Variants in ZNF420 observed in about 807,000 individuals in gnomAD.
The protein encoded by ZNF420 is zinc finger protein 420.
In ZNF420, 31 loss-of-function variants were observed where a neutral mutation model predicts 44.7. The ratio of observed to expected loss-of-function variants is 0.69; its 90% CI spans 0.52 to 0.94. ZNF420 has a LOEUF of 0.94. Among genes scored for constraint, ZNF420 ranks in the 40% least tolerant of loss-of-function variants. The pLI is 0.00. For missense variants in ZNF420, 681 were observed against 827.9 expected (o/e 0.82, Z 2.18); for synonymous variants, 245 against 267.4 (o/e 0.92, Z 0.82).
At chr19:37,116,344 G>A (rs1344999314) in intron 4 of ZNF420, among the ~76,000 whole-genome samples, 1 of 145,056 alleles carries the variant, frequency 6.9e-6, no homozygotes, top group African/African-American at 2.6e-5. Context: ...ACTTCAGCCT[G>A]GGCAACAGAG....
At chr19:37,048,421 CTG>C (rs1039936838) in intron 1 of ZNF420, among the ~76,000 whole-genome samples, 39 of 152,146 alleles carry the variant, frequency 2.6e-4, no homozygotes, top group Non-Finnish European at 5.4e-4. Flanking sequence ...TGATTTATAA[CTG>C]TTCTAATACT....
intron 2 of ZNF420, among the ~76,000 whole-genome samples, chr19:37,086,359 A>G (rs1056066236): frequency 1.3e-5 from 2 of 152,298 alleles, no homozygotes; most frequent in Non-Finnish European, 2.9e-5. Flanking sequence ...CTCTTAAATT[A>G]AGTGACTACT....
At chr19:37,027,467 T>C (rs985525030) in intron 1 of ZNF420, among the ~76,000 whole-genome samples, 1 of 152,204 alleles carries the variant, frequency 6.6e-6, no homozygotes, top group African/African-American at 2.4e-5. Flanking sequence ...ACTCTTTGTG[T>C]TCTACCATTT....
intron 4 of ZNF420, among the ~76,000 whole-genome samples, chr19:37,100,396 C>T (rs1969700801): frequency 6.6e-6 from 1 of 152,042 alleles, no homozygotes; most frequent in African/African-American, 2.4e-5. Context: ...TTTGATGCCT[C>T]CAGCTTGGTT....
At chr19:37,112,739 C>T (rs1970447557) in intron 4 of ZNF420, among the ~76,000 whole-genome samples, 1 of 152,198 alleles carries the variant, frequency 6.6e-6, no homozygotes. Flanking sequence ...CCTGGACTGG[C>T]ACTCCAAGGA....
rs913975460 is a variant in ZNF420 at position 37,078,433 on chromosome 19, G to A, written c.-262G>A. 3 of 152,272 alleles carry A rather than the reference G, an allele frequency of 2.0e-5. No homozygotes were observed. Among genetic ancestry groups the A allele is most frequent in the Non-Finnish European group, 2.9e-5 (2 of 68,080 alleles). 9.4% of individuals were successfully genotyped at this position (152,272 alleles called of 1,614,324 possible). A position where few individuals can be genotyped will look rare whatever the true frequency, so the allele number is the denominator to read the frequency against. On this transcript the variant is annotated 5_prime_UTR_variant, in exon 1 of 5. Coordinates refer to ENST00000337995, the MANE Select transcript of ZNF420 (RefSeq NM_144689.5). The stretch of plus-strand genomic sequence containing the variant: ...CGTAGCTTCATTTCCGTTAGTTTGC[G>A]AGATTTGGAGGCCTCGCGTGGGGAG...
At chr19:37,069,273 T>C (rs531207562) in intron 1 of ZNF420, among the ~76,000 whole-genome samples, 1 of 152,292 alleles carries the variant, frequency 6.6e-6, no homozygotes, top group South Asian at 2.1e-4. Context: ...CAAAAGTAGC[T>C]ATGTTTGATA....
At position 37,009,310 on chromosome 19, in the gene ZNF420, C is replaced by T. The variant is rs187887955; in HGVS notation, c.-125+1228C>T. On this transcript the variant is annotated intron_variant, in intron 1 of 4. Transcript: ENST00000587029. ...TGATCTTTACAGAAACCTCTCCGCT[C>T]CTCCAGCAGGCTCCCCAAAATGTGG... Among the ~76,000 whole-genome samples, 21 of 152,306 alleles carry T rather than the reference C, an allele frequency of 1.4e-4. No individual in the cohort carries two copies. The East Asian group carries it at 3.7e-3, about 27-fold the overall frequency.
intron 2 of ZNF420, among the ~76,000 whole-genome samples, chr19:37,087,287 AAAAAAATAAATAAATAAATAAATAAAT>A (rs1294837834): frequency 1.7e-5 from 2 of 118,964 alleles, no homozygotes; most frequent in African/African-American, 3.5e-5. Context: ...TGTCTCAAAA[AAAAAAATAAATAAATAAATAAATAAAT>A]AAATAAATAA....
At position 37,125,357 on chromosome 19, in the gene ZNF420, C is replaced by T. The variant is rs370069665; in HGVS notation, c.137-1771C>T. ...GGATAAGTAAAAGCAACTTAGTATC[C>T]TATTTGAAAGGGATAGAGAGAGCTA... is the stretch of plus-strand genomic sequence containing the variant. On this transcript the variant is annotated intron_variant, in intron 4 of 4. Coordinates refer to ENST00000337995, the MANE Select transcript of ZNF420 (RefSeq NM_144689.5). Among the ~76,000 whole-genome samples the T allele has an allele frequency of 1.7e-4, 26 of 152,194 alleles. No individual in the cohort carries two copies. In the East Asian group the frequency reaches 2.5e-3, roughly 15 times the overall value.
intron 1 of ZNF420, among the ~76,000 whole-genome samples, chr19:37,062,197 T>C (rs1440437443): frequency 6.6e-6 from 1 of 152,140 alleles, no homozygotes; most frequent in Non-Finnish European, 1.5e-5. Flanking sequence ...ATCATGTAAG[T>C]AAAGGAATGA....
intron 1 of ZNF420, among the ~76,000 whole-genome samples, chr19:37,064,456 C>T (rs1967931569): frequency 6.6e-6 from 1 of 152,070 alleles, no homozygotes; most frequent in Admixed American, 6.5e-5. Flanking sequence ...TCTTTGAGCG[C>T]CCCTTACTTA....
At chr19:37,012,686 G>C (rs1422147243) in intron 1 of ZNF420, among the ~76,000 whole-genome samples, 3 of 152,060 alleles carry the variant, frequency 2.0e-5, no homozygotes, top group Non-Finnish European at 2.9e-5. Flanking sequence ...TCACCCGAGA[G>C]TCGTTCTTCT....
chr19:37,057,118 G>T (rs541858847), intron 1 of ZNF420, among the ~76,000 whole-genome samples: 20 of 152,368 alleles, frequency 1.3e-4, no homozygotes, highest in Non-Finnish European at 1.9e-4. Context: ...GGGTGTCGGG[G>T]CTTTGAGGCT....
chr19:37,066,907 A>T (rs185545691), intron 1 of ZNF420, among the ~76,000 whole-genome samples: 1 of 152,366 alleles, frequency 6.6e-6, no homozygotes, highest in African/African-American at 2.4e-5. Flanking sequence ...TTCAACAAGA[A>T]TATGAATAAA....
chr19:37,062,894 A>G (rs548116292), intron 1 of ZNF420, among the ~76,000 whole-genome samples: 2 of 152,306 alleles, frequency 1.3e-5, no homozygotes, highest in East Asian at 3.9e-4. Context: ...GATCATCTGG[A>G]GGAACTTTGT....
At chr19:37,039,395 A>G (rs376406649) in intron 1 of ZNF420, among the ~76,000 whole-genome samples, 187 of 152,348 alleles carry the variant, frequency 1.2e-3, no homozygotes, top group African/African-American at 4.3e-3. Context: ...GTTGGCAGGC[A>G]TGAAAACAGC....
Position 37,025,327 on chromosome 19 carries a change from C to T in ZNF420, c.-125+17245C>T, listed in dbSNP as rs535183418. ...GGAGTAAGGAAAGGGGTATTTTCTT[C>T]TTACCTGTCTGAAAATCTTGTTTTT... On this transcript the variant is annotated intron_variant, in intron 1 of 4. Coordinates refer to the ZNF420 transcript ENST00000587029. 347 of 192,184 alleles carry T rather than the reference C, an allele frequency of 1.8e-3. 1 individual carries two copies. The highest frequency in any genetic ancestry group is 3.2e-3 in the Non-Finnish European group (295 of 90,804). The allele number at this position is 192,184 out of a possible 1,614,324, so 11.9% of individuals were successfully genotyped here. A position where few individuals can be genotyped will look rare whatever the true frequency, so the allele number is the denominator to read the frequency against.
At chr19:37,029,533 C>G (rs1193079560) in intron 1 of ZNF420, among the ~76,000 whole-genome samples, 1 of 150,898 alleles carries the variant, frequency 6.6e-6, no homozygotes, top group African/African-American at 2.4e-5. Flanking sequence ...TTTTCTTTTT[C>G]TTTTTCTTTT....
Sources: allele counts gnomAD v4.1 joint callset (sites outside exome capture counted in the v4.1 genomes callset), GRCh38; gene constraint gnomAD v4.1.1; transcripts MANE v1.5; gene names NCBI Gene and HGNC (gene_info 2026-07-23, HGNC 2026-07-21).